ARL15: variants seen among roughly 807,000 people sequenced by gnomAD.
The protein encoded by ARL15 is ARF like GTPase 15.
A neutral mutation model predicts 25.2 loss-of-function variants in ARL15; 19 were observed. The ratio of observed to expected loss-of-function variants is 0.75; its 90% CI spans 0.53 to 1.10. The LOEUF is 1.10. Ranked by LOEUF, ARL15 falls within the 50% of genes least tolerant of loss-of-function variation. ARL15 has a pLI of 0.00. For synonymous variants in ARL15, 94 were observed against 86.8 expected, an observed-to-expected ratio of 1.08 and a Z score of -0.46; for missense variants, 220 against 246.0, an observed-to-expected ratio of 0.89 and a Z score of 0.71.
intron 4 of ARL15, among the ~76,000 whole-genome samples, chr5:54,057,944 T>C (rs1194350909): frequency 1.3e-5 from 2 of 152,036 alleles, no homozygotes; most frequent in Non-Finnish European, 2.9e-5. Context: ...CTGTGAAGAA[T>C]ACACAGTGGT....
At chr5:54,198,791 A>C (rs919981159) in intron 1 of ARL15, among the ~76,000 whole-genome samples, 68 of 151,154 alleles carry the variant, frequency 4.5e-4, no homozygotes, top group African/African-American at 1.6e-3. Context: ...AATTGGAAAA[A>C]ACTACTTTAA....
chr5:53,910,633 T>TATATATATATATATA (rs1491507286), intron 4 of ARL15, among the ~76,000 whole-genome samples: 1 of 55,016 alleles, frequency 1.8e-5, no homozygotes, highest in African/African-American at 7.4e-5. Flanking sequence ...TAAAAAAAAA[T>TATATATATATATATA]TATATATATA....
At chr5:54,275,809 C>T (rs1371270403) in intron 1 of ARL15, among the ~76,000 whole-genome samples, 3 of 151,332 alleles carry the variant, frequency 2.0e-5, no homozygotes, top group Admixed American at 6.6e-5. Context: ...CTCAGCCTCC[C>T]GAGTAGCTGG....
At chr5:54,121,180 T>C (rs758695099) in intron 3 of ARL15, among the ~76,000 whole-genome samples, 7 of 152,202 alleles carry the variant, frequency 4.6e-5, no homozygotes, top group Non-Finnish European at 1.0e-4. Context: ...TCAAAACAAG[T>C]TATTACCATA....
chr5:53,905,102 G>A (rs1745209157), intron 4 of ARL15, among the ~76,000 whole-genome samples: 1 of 152,004 alleles, frequency 6.6e-6, no homozygotes, highest in South Asian at 2.1e-4. Context: ...TTAACTACAC[G>A]TTCTGCTCTA....
At chr5:54,110,133 A>G (rs1305706181) in intron 4 of ARL15, among the ~76,000 whole-genome samples, 1 of 152,022 alleles carries the variant, frequency 6.6e-6, no homozygotes, top group African/African-American at 2.4e-5. Context: ...TCTGTGGGTT[A>G]CATAGTAATT....
chr5:53,907,488 A>ATATTTTTTTTTTTTTT (rs1360900279), intron 4 of ARL15, among the ~76,000 whole-genome samples: 1 of 18,012 alleles, frequency 5.6e-5, no homozygotes, highest in African/African-American at 2.9e-4. Context: ...ATATATATAT[A>ATATTTTTTTTTTTTTT]TTTTTTTTTT....
intron 1 of ARL15, among the ~76,000 whole-genome samples, chr5:54,270,367 G>A (rs575997631): frequency 6.6e-6 from 1 of 152,128 alleles, no homozygotes; most frequent in South Asian, 2.1e-4. Context: ...TCTCCTAACT[G>A]AAAATAGAGT....
intron 4 of ARL15, among the ~76,000 whole-genome samples, chr5:54,063,865 G>A (rs73112667): frequency 0.08 from 12,218 of 152,118 alleles, 609 homozygotes; most frequent in African/African-American, 0.13. Context: ...CATTAGCAGC[G>A]CCTATGATGT....
intron 4 of ARL15, among the ~76,000 whole-genome samples, chr5:54,087,706 C>T (rs1033679310): frequency 3.9e-5 from 1 of 25,960 alleles, no homozygotes; most frequent in African/African-American, 8.1e-5. Flanking sequence ...AACACTGCTA[C>T]ATCTACAGGA....
At chr5:54,151,411 G>A (rs1053389381) in intron 3 of ARL15, among the ~76,000 whole-genome samples, 2 of 151,402 alleles carry the variant, frequency 1.3e-5, no homozygotes, top group African/African-American at 2.4e-5. Flanking sequence ...TTTCATGAAT[G>A]TCTCCATCAC....
intron 1 of ARL15, chr5:54,285,393 G>C: frequency 2.3e-6 from 2 of 870,472 alleles, no homozygotes; most frequent in Non-Finnish European, 2.8e-6. Flanking sequence ...GAAAATAAAG[G>C]AGAAAACAAA....
chr5:54,293,419 CTTGT>C (rs1471714144), intron 1 of ARL15, among the ~76,000 whole-genome samples: 4 of 152,034 alleles, frequency 2.6e-5, no homozygotes, highest in African/African-American at 4.8e-5. Context: ...TAAAATATCA[CTTGT>C]TTAATAGTTC....
intron 4 of ARL15, among the ~76,000 whole-genome samples, chr5:54,030,104 G>A (rs1223190860): frequency 1.3e-5 from 2 of 152,182 alleles, no homozygotes; most frequent in Non-Finnish European, 2.9e-5. Context: ...GAACCCAGGA[G>A]CTTGAGGCTG....
At chr5:54,188,314 G>T (rs1379777041) in intron 1 of ARL15, among the ~76,000 whole-genome samples, 1 of 152,116 alleles carries the variant, frequency 6.6e-6, no homozygotes, top group Non-Finnish European at 1.5e-5. Context: ...TTAGGTAAAG[G>T]CATGTATTTT....
intron 1 of ARL15, among the ~76,000 whole-genome samples, chr5:54,303,103 T>A (rs765038159): frequency 1.3e-5 from 2 of 152,100 alleles, no homozygotes; most frequent in African/African-American, 4.8e-5. Context: ...GTTAATACCA[T>A]CAGGAGATTT....
At chr5:54,060,632 G>A (rs1751036207) in intron 4 of ARL15, among the ~76,000 whole-genome samples, 1 of 152,152 alleles carries the variant, frequency 6.6e-6, no homozygotes, top group East Asian at 1.9e-4. Context: ...AGTCTCAGGT[G>A]TGTCTTTATC....
intron 4 of ARL15, among the ~76,000 whole-genome samples, chr5:54,070,331 G>T (rs1751379630): frequency 6.6e-6 from 1 of 151,778 alleles, no homozygotes; most frequent in South Asian, 2.1e-4. Context: ...GGTGGAGCTT[G>T]CAGTGAGCCG....
intron 1 of ARL15, among the ~76,000 whole-genome samples, chr5:54,301,129 G>A (rs1758605707): frequency 6.6e-6 from 1 of 152,136 alleles, no homozygotes; most frequent in Non-Finnish European, 1.5e-5. Flanking sequence ...TGCCTTTCAT[G>A]TGCTACTCTA....
Sources: gnomAD v4.1 joint callset for allele counts (sites outside exome capture counted in the v4.1 genomes callset) on GRCh38, gnomAD v4.1.1 for gene constraint, MANE v1.5 for transcripts, NCBI Gene and HGNC (gene_info 2026-07-23, HGNC 2026-07-21) for gene names.